STAP1: variants seen among roughly 807,000 people sequenced by gnomAD.
STAP1 encodes the protein signal-transducing adaptor protein 1.
In STAP1, 30 loss-of-function variants were observed where a neutral mutation model predicts 37.8. That is an observed-to-expected ratio of 0.79 (90% CI 0.59 to 1.08). STAP1 has a LOEUF of 1.08. Ranked by LOEUF, STAP1 falls within the 50% of genes least tolerant of loss-of-function variation. The pLI, the probability that STAP1 is intolerant of heterozygous loss-of-function variation, is 0.00. For missense variants in STAP1, 357 were observed against 349.4 expected (o/e 1.02, Z -0.17); for synonymous variants, 130 against 116.0 (o/e 1.12, Z -0.78).
chr4:67,588,170 C>T (rs1197282897), intron 6 of STAP1, among the ~76,000 whole-genome samples: 1 of 146,882 alleles, frequency 6.8e-6, no homozygotes, highest in Non-Finnish European at 1.5e-5. Flanking sequence ...AAAAGCAGAA[C>T]AAAACAGAAT....
intron 8 of STAP1, among the ~76,000 whole-genome samples, chr4:67,595,819 A>G (rs891376625): frequency 6.6e-6 from 1 of 152,144 alleles, no homozygotes; most frequent in Non-Finnish European, 1.5e-5. Context: ...TCCTCCTGAG[A>G]CTTTGACTGG....
At chr4:67,597,510 T>G (rs1186163666) in intron 8 of STAP1, among the ~76,000 whole-genome samples, 5 of 152,046 alleles carry the variant, frequency 3.3e-5, no homozygotes, top group African/African-American at 4.8e-5. Flanking sequence ...CCCAGAATGG[T>G]AGATCCACCC....
chr4:67,562,240 G>C (rs946196585), intron 1 of STAP1, among the ~76,000 whole-genome samples: 1 of 151,322 alleles, frequency 6.6e-6, no homozygotes, highest in Admixed American at 6.6e-5. Flanking sequence ...TATTCGGAAG[G>C]CTGAGGCAGG....
At chr4:67,564,427 G>A (rs1384162588) in intron 1 of STAP1, among the ~76,000 whole-genome samples, 1 of 152,108 alleles carries the variant, frequency 6.6e-6, no homozygotes, top group Non-Finnish European at 1.5e-5. Context: ...ATAGTGCAAT[G>A]GAGGTCTGCA....
chr4:67,564,733 T>TGGTA (rs1560455185), intron 1 of STAP1, among the ~76,000 whole-genome samples: 1 of 152,006 alleles, frequency 6.6e-6, no homozygotes, highest in African/African-American at 2.4e-5. Context: ...GCCAACATGG[T>TGGTA]GAAACCCTGC....
At chr4:67,588,534 C>G (rs568254237) in intron 6 of STAP1, among the ~76,000 whole-genome samples, 7 of 152,016 alleles carry the variant, frequency 4.6e-5, no homozygotes, top group African/African-American at 1.7e-4. Context: ...CTCAGCCTCC[C>G]GAGTAGCTGG....
intron 1 of STAP1, among the ~76,000 whole-genome samples, chr4:67,561,411 A>G (rs1009887092): frequency 3.3e-5 from 5 of 152,212 alleles, no homozygotes; most frequent in African/African-American, 1.2e-4. Flanking sequence ...TAGAAAAAAT[A>G]TAACTGAAGA....
At chr4:67,588,179 A>G (rs1021988403) in intron 6 of STAP1, among the ~76,000 whole-genome samples, 17 of 152,146 alleles carry the variant, frequency 1.1e-4, no homozygotes, top group Non-Finnish European at 2.1e-4. Flanking sequence ...ACAAAACAGA[A>G]TATGAAAGGA....
chr4:67,590,314 T>C (rs999913584), intron 6 of STAP1, among the ~76,000 whole-genome samples: 1 of 152,182 alleles, frequency 6.6e-6, no homozygotes, highest in Non-Finnish European at 1.5e-5. Context: ...TTATCATCTA[T>C]ATGTTCATAT....
At chr4:67,583,533 AGTTAAAAAAACAATTCT>A in intron 5 of STAP1, 24 bp from the exon 6 acceptor site, 1 of 1,550,958 alleles carries the variant, frequency 6.4e-7, no homozygotes, top group East Asian at 2.3e-5. Flanking sequence ...GATCTTCATC[AGTTAAAAAAACAATTCT>A]GTTTTTTTAT....
chr4:67,561,302 T>C (rs1219267990), intron 1 of STAP1, among the ~76,000 whole-genome samples: 1 of 152,220 alleles, frequency 6.6e-6, no homozygotes, highest in East Asian at 1.9e-4. Flanking sequence ...CAAAGGTATA[T>C]AGCCAAGTAA....
intron 4 of STAP1, among the ~76,000 whole-genome samples, chr4:67,577,993 A>C (rs555812931): frequency 4.6e-5 from 7 of 152,168 alleles, no homozygotes; most frequent in Non-Finnish European, 1.0e-4. Context: ...ATAGAATACT[A>C]GCCAAGATGA....
chr4:67,591,724 G>A (rs566957630), intron 7 of STAP1, among the ~76,000 whole-genome samples: 1 of 152,298 alleles, frequency 6.6e-6, no homozygotes, highest in East Asian at 1.9e-4. Flanking sequence ...TGTTGATCAA[G>A]TAGAAAAAGG....
intron 8 of STAP1, among the ~76,000 whole-genome samples, chr4:67,605,620 G>A (rs1424036222): frequency 6.6e-6 from 1 of 152,110 alleles, no homozygotes; most frequent in Non-Finnish European, 1.5e-5. Context: ...GTAGTGTAAC[G>A]TATTTTCTTT....
At position 67,581,577 on chromosome 4, in the gene STAP1, A is replaced by C. The variant is rs898283076; in HGVS notation, c.530+106A>C. 3.2e-6 allele frequency: 4 copies of C among 1,243,892 alleles called. No homozygotes were observed. In the South Asian group the frequency reaches 6.1e-5, roughly 19 times the overall value. 77.1% of individuals were successfully genotyped at this position (1,243,892 alleles called of 1,614,324 possible). ...TCTTGTTAAGCCAGGGACAATAAGC[A>C]GTCTTGGGGATAAACTGTATATCTC... On this transcript the variant is annotated intron_variant, in intron 5 of 8. Coordinates refer to ENST00000265404, the MANE Select transcript of STAP1 (RefSeq NM_012108.4).
chr4:67,600,836 A>G (rs1728323349), intron 8 of STAP1, among the ~76,000 whole-genome samples: 1 of 151,998 alleles, frequency 6.6e-6, no homozygotes, highest in African/African-American at 2.4e-5. Context: ...ATCTGTTTCC[A>G]TCTCTTTAGT....
At position 67,593,465 on chromosome 4, in the gene STAP1, C is replaced by T. The variant is rs185101427; in HGVS notation, c.826+109C>T. The T allele has an allele frequency of 1.1e-3, 796 of 743,000 alleles. 9 individuals are homozygous for T. The Admixed American group carries it at 0.014, about 13-fold the overall frequency. 46.0% of individuals were successfully genotyped at this position (743,000 alleles called of 1,614,324 possible). ...TACCAGCCAGGCAGGAACTGTAGTT[C>T]AGTCTTTAAATTTATCCATTTGGAA... On this transcript the variant is annotated intron_variant, in intron 8 of 8. Transcript: ENST00000265404.
chr4:67,585,136 T>A (rs1727952491), intron 6 of STAP1, among the ~76,000 whole-genome samples: 1 of 152,202 alleles, frequency 6.6e-6, no homozygotes, highest in African/African-American at 2.4e-5. Flanking sequence ...CAAGGTTATG[T>A]CCTACATAAA....
intron 7 of STAP1, among the ~76,000 whole-genome samples, chr4:67,592,713 C>T (rs973610499): frequency 1.3e-5 from 2 of 152,136 alleles, no homozygotes; most frequent in Admixed American, 6.5e-5. Context: ...GGGACAGGGT[C>T]TTACCCTGTC....
Sources: allele counts gnomAD v4.1 joint callset (sites outside exome capture counted in the v4.1 genomes callset), GRCh38; gene constraint gnomAD v4.1.1; transcripts MANE v1.5; gene names NCBI Gene and HGNC (gene_info 2026-07-23, HGNC 2026-07-21).